The following C1R variants were observed in gnomAD, a reference collection of about 807,000 sequenced individuals.
C1R encodes complement C1r, also known as complement C1r subcomponent.
Under a neutral mutation model 27.6 loss-of-function variants are expected in C1R, and 15 were observed. That is an observed-to-expected ratio of 0.54 (90% confidence interval 0.36 to 0.84). C1R has a LOEUF of 0.84. Ranked by LOEUF, C1R falls within the 40% of genes least tolerant of loss-of-function variation. C1R has a pLI of 0.01. For synonymous variants in C1R, 253 were observed against 228.8 expected, an observed-to-expected ratio of 1.11 and a Z score of -0.95; for missense variants, 544 against 577.9, an observed-to-expected ratio of 0.94 and a Z score of 0.60.
intron 10 of C1R, 96 bp from the exon 11 acceptor site, chr12:7,081,397 T>C: frequency 8.6e-7 from 1 of 1,156,472 alleles, no homozygotes; most frequent in East Asian, 2.5e-5. Context: ...CCTCTCTTTT[T>C]GGCTTCTGTC....
At chr12:7,082,250 A>G (rs1180597331) in intron 9 of C1R, 144 bp from the exon 10 acceptor site, 2 of 645,450 alleles carry the variant, frequency 3.1e-6, no homozygotes. Context: ...CAAAGGCTCA[A>G]CTCTAGAAGG....
intron 9 of C1R, among the ~76,000 whole-genome samples, chr12:7,083,532 T>C (rs1029401456): frequency 5.4e-5 from 8 of 146,898 alleles, no homozygotes; most frequent in Non-Finnish European, 6.1e-5. Flanking sequence ...GTAATGGTGG[T>C]GGTGATCATG....
At chr12:7,086,777 A>T (rs1445655919) in intron 7 of C1R, 2 of 215,808 alleles carry the variant, frequency 9.3e-6, no homozygotes, top group Non-Finnish European at 1.8e-5. Flanking sequence ...TGAAAAAATC[A>T]CAAGCCACGT....
In C1R at chr12:7,080,409, C is replaced by T. The variant is rs1199729741; in HGVS notation, c.*123G>A. On this transcript the variant is annotated 3_prime_UTR_variant, in exon 11 of 11. Coordinates refer to ENST00000647956, the MANE Select transcript of C1R (RefSeq NM_001733.7). The surrounding 1 kb of genome is among the most constrained non-coding windows in gnomAD (Gnocchi z 4.9). ...GGACTACAGGAAAGAGAATTTCACA[C>T]ACGGTCTTTCTGCATCAGTAATTTT... is the stretch of plus-strand genomic sequence containing the variant. 2 of 1,434,094 alleles carry T rather than the reference C, an allele frequency of 1.4e-6. No homozygotes were observed. The highest frequency in any genetic ancestry group is 1.8e-6 in the Non-Finnish European group (2 of 1,095,582). 88.8% of individuals were successfully genotyped at this position (1,434,094 alleles called of 1,614,324 possible).
Position 7,080,841 on chromosome 12 carries a change from A to T in C1R, c.1809T>A (p.Ile603=), listed in dbSNP as rs1300832002. ...GACGGACAAACCTGAGGTCATGAGC[A>T]ATCTTCTCCTCCATGACCCCGAAGC... ...VSGFGVMEEK[I]AHDLRFVRLP... Residue 603 remains isoleucine, a synonymous_variant, in exon 11 of 11, where the codon ATT becomes ATA. Coordinates refer to ENST00000647956, the MANE Select transcript of C1R (RefSeq NM_001733.7). The surrounding 1 kb of genome is among the most constrained non-coding windows in gnomAD (Gnocchi z 4.9). 6.2e-7 allele frequency: 1 copy of T among 1,613,944 alleles called. No individual in the cohort carries two copies. Among genetic ancestry groups the T allele is most frequent in the Admixed American group, 1.7e-5 (1 of 60,014 alleles).
In C1R at chr12:7,089,278, G is replaced by A; in HGVS notation, c.768+15C>T. On this transcript the variant is annotated intron_variant, in intron 5 of 10. Transcript: ENST00000647956. Reference sequence around the variant, plus strand: ...AAGGGGAGGAAGGGGTCTTTCAGGGGTAGGACGGCTGTACCTGTAGCTGGT... The same window carrying A: ...AAGGGGAGGAAGGGGTCTTTCAGGGATAGGACGGCTGTACCTGTAGCTGGT... The A allele has an allele frequency of 3.9e-6, 3 of 778,906 alleles. No homozygotes were observed. The highest frequency in any genetic ancestry group is 2.7e-5 in the South Asian group (2 of 74,318). The allele number at this position is 778,906 out of a possible 1,614,324, so 48.2% of individuals were successfully genotyped here. A position where few individuals can be genotyped will look rare whatever the true frequency, so the allele number is the denominator to read the frequency against.
intron 9 of C1R, among the ~76,000 whole-genome samples, chr12:7,085,355 A>G (rs1236409204): frequency 2.3e-5 from 3 of 132,454 alleles, no homozygotes; most frequent in Non-Finnish European, 4.9e-5. Flanking sequence ...GGTAATGGTG[A>G]TGGTGGTGAT....
intron 7 of C1R, chr12:7,086,718 CTG>C (rs1252692807): frequency 3.1e-6 from 1 of 327,556 alleles, no homozygotes; most frequent in Non-Finnish European, 5.5e-6. Flanking sequence ...TCTCTCTAGA[CTG>C]TGGCCTGTTC....
intron 9 of C1R, among the ~76,000 whole-genome samples, chr12:7,085,181 G>A (rs1356975087): frequency 6.7e-6 from 1 of 150,294 alleles, no homozygotes; most frequent in East Asian, 2.0e-4. Context: ...GTCAGTAATG[G>A]TGGTGGTGAT....
At position 7,089,614 on chromosome 12, in the gene C1R, G is replaced by C. The variant is rs1010679695; in HGVS notation, c.544C>G (p.Leu182Val). 1.3e-6 allele frequency: 1 copy of C among 780,834 alleles called. No individual in the cohort carries two copies. Among genetic ancestry groups the C allele is most frequent in the African/African-American group, 1.7e-5 (1 of 59,164 alleles). 48.4% of individuals were successfully genotyped at this position (780,834 alleles called of 1,614,324 possible). Residue 182 changes from leucine (L) to valine (V), a missense_variant, in exon 4 of 11, where the codon CTT becomes GTT. By Grantham distance (32) the Leu-to-Val change is conservative (BLOSUM62 1). Transcript: ENST00000647956. Reference sequence around the variant, plus strand: ...TGGCAGGAATGCCTGTCTTCCTGAAGCTCATAGCCTGGACGGCAGGAACAG... The same window carrying C: ...TGGCAGGAATGCCTGTCTTCCTGAACCTCATAGCCTGGACGGCAGGAACAG... The part of the protein sequence containing the change: ...YFCSCRPGYE[L>V]QEDRHSCQAE...
chr12:7,085,736 C>T (rs986618042), intron 9 of C1R, 125 bp downstream of exon 9: 5 of 396,756 alleles, frequency 1.3e-5, no homozygotes, highest in Admixed American at 4.4e-5. Context: ...ATAATTTAGG[C>T]CCCTGAAGCC....
Position 7,088,854 on chromosome 12 carries a change from G to T in C1R, c.901C>A (p.Arg301Ser). The T allele has an allele frequency of 2.6e-6, 2 of 771,410 alleles. No homozygotes were observed. The highest frequency in any genetic ancestry group is 2.4e-6 in the Non-Finnish European group (1 of 414,384). The allele number at this position is 771,410 out of a possible 1,614,324, so 47.8% of individuals were successfully genotyped here. ...ESGDSRGWKL[R>S]YTTEIIKCPQ... ...GGAGCCTTACTCTCGGTGGTGTAGC[G>T]CAGCTTCCAGCCCCGGCTGTCCCCC... The change falls in exon 6 of 11, where the codon CGC becomes AGC. Residue 301 changes from arginine to serine, a missense_variant. Physicochemically the swap from Arg to Ser is moderately radical, Grantham distance 110 (BLOSUM62 -1). Transcript: ENST00000647956.
Position 7,080,697 on chromosome 12 carries a change from C to T in C1R, c.1953G>A (p.Gln651=), listed in dbSNP as rs376989343. Residue 651 remains glutamine (Q), a synonymous_variant, in exon 11 of 11, where the codon CAG becomes CAA. Coordinates refer to ENST00000647956, the MANE Select transcript of C1R (RefSeq NM_001733.7). The surrounding 1 kb of genome is among the most constrained non-coding windows in gnomAD (Gnocchi z 4.9). ...CTGCAAAAACGCCCCCACTATCCCC[C>T]TGGCAGGCGTCCTGCTTTAGAGATG... is the stretch of plus-strand genomic sequence containing the variant. The part of the protein sequence containing the change: ...GHPSLKQDAC[Q]GDSGGVFAVR... 6.2e-6 allele frequency: 10 copies of T among 1,613,902 alleles called. No individual in the cohort carries two copies. In the African/African-American group the frequency reaches 1.3e-4, roughly 22 times the overall value.
Position 7,090,226 on chromosome 12 carries a change from A to C in C1R, c.254T>G (p.Leu85Arg), listed in dbSNP as rs1326726904. Residue 85 changes from leucine (L) to arginine (R), a missense_variant, in exon 3 of 11, where the codon CTG becomes CGG. Coordinates refer to ENST00000647956, the MANE Select transcript of C1R (RefSeq NM_001733.7). Reference sequence around the variant, plus strand: ...ACCCAGTTGCCCACAGAACCTCCCCAGGCTTTTCTTATCAGCAGAGATCTG... The same window carrying C: ...ACCCAGTTGCCCACAGAACCTCCCCCGGCTTTTCTTATCAGCAGAGATCTG... ...YVKISADKKS[L>R]GRFCGQLGSP... The C allele has an allele frequency of 1.4e-6, 1 of 737,690 alleles. No individual in the cohort carries two copies. The highest frequency in any genetic ancestry group is 1.7e-5 in the African/African-American group (1 of 58,196). 45.7% of individuals were successfully genotyped at this position (737,690 alleles called of 1,614,324 possible). A position where few individuals can be genotyped will look rare whatever the true frequency, so the allele number is the denominator to read the frequency against.
At position 7,083,312 on chromosome 12, in the gene C1R, A is replaced by G. The variant is rs1005200684; in HGVS notation, c.1274-1206T>C. On this transcript the variant is annotated intron_variant, in intron 9 of 10. Coordinates refer to ENST00000647956, the MANE Select transcript of C1R (RefSeq NM_001733.7). ...GTTGGTAGTGATGATGGTGTTGGTA[A>G]TGGTGATGGTGGTAATGGTGTTGGT... is the stretch of plus-strand genomic sequence containing the variant. 2.2e-3 allele frequency among the ~76,000 whole-genome samples: 330 copies of G among 150,126 alleles called. 3 individuals are homozygous for G. Among genetic ancestry groups the G allele is most frequent in the African/African-American group, 7.7e-3 (312 of 40,458 alleles).
At chr12:7,085,108 G>A (rs1938127071) in intron 9 of C1R, among the ~76,000 whole-genome samples, 1 of 146,910 alleles carries the variant, frequency 6.8e-6, no homozygotes, top group South Asian at 2.2e-4. Flanking sequence ...GTGTGGTGGT[G>A]ATGATGATGT....
At position 7,091,732 on chromosome 12, in the gene C1R, C is replaced by A. The variant is rs1240642753; in HGVS notation, c.3-52G>T. 1.4e-6 allele frequency: 1 copy of A among 718,154 alleles called. No homozygotes were observed. Among genetic ancestry groups the A allele is most frequent in the Admixed American group, 2.0e-5 (1 of 50,032 alleles). The allele number at this position is 718,154 out of a possible 1,614,324, so 44.5% of individuals were successfully genotyped here. ...AGCTGGAGGGGTTCAGCACTCTTGC[C>A]ATGTGGGCAGTGGCTGTGGCAGGGG... On this transcript the variant is annotated intron_variant, in intron 1 of 10. Coordinates refer to ENST00000647956, the MANE Select transcript of C1R (RefSeq NM_001733.7). The surrounding 1 kb of genome is among the most constrained non-coding windows in gnomAD (Gnocchi z 5.1).
Position 7,086,449 on chromosome 12 carries a change from C to A in C1R, c.1047G>T (p.Gln349His), listed in dbSNP as rs1938157946. Residue 349 changes from glutamine (Q) to histidine (H), a missense_variant, in exon 8 of 11, where the codon CAG becomes CAT. This residue lies in a region of C1R where 291 missense variants were observed against 209.0 expected (regional missense o/e 1.39). Coordinates refer to ENST00000647956, the MANE Select transcript of C1R (RefSeq NM_001733.7). ...KQGYQLIEGN[Q>H]VLHSFTAVCQ... ...AGACAGCTGTGAAGGAATGCAGCAC[C>A]TGGTTCCCCTGTTGAGCAGAGGATA... is the stretch of plus-strand genomic sequence containing the variant. 2.5e-6 allele frequency: 1 copy of A among 398,706 alleles called. No homozygotes were observed. The highest frequency in any genetic ancestry group is 1.3e-4 in the South Asian group (1 of 7,862). The allele number at this position is 398,706 out of a possible 1,614,324, so 24.7% of individuals were successfully genotyped here. A position where few individuals can be genotyped will look rare whatever the true frequency, so the allele number is the denominator to read the frequency against.
chr12:7,086,153 G>A (rs1196376396), intron 8 of C1R, 137 bp from the exon 9 acceptor site: 16 of 397,640 alleles, frequency 4.0e-5, no homozygotes, highest in Non-Finnish European at 7.1e-5. Context: ...CCCTTGCAAT[G>A]GACAGGAGTT....
Sources: gnomAD v4.1 joint callset for allele counts (sites outside exome capture counted in the v4.1 genomes callset) on GRCh38, gnomAD v4.1.1 for gene constraint, gnomAD v4.1.1 regional missense constraint, Gnocchi (gnomAD v3.1) non-coding constraint, MANE v1.5 for transcripts, NCBI Gene and HGNC (gene_info 2026-07-23, HGNC 2026-07-21) for gene names.